Variants in LMF2 observed in about 807,000 individuals in gnomAD.
LMF2 encodes lipase maturation factor 2.
In LMF2, 113 loss-of-function variants were observed where a neutral mutation model predicts 81.5. The observed-to-expected ratio is 1.39, with a 90% CI of 1.19 to 1.62. LMF2 has a LOEUF of 1.62. LMF2 is among the 40% of genes most tolerant of loss of function. LMF2 has a pLI of 0.00. For missense variants in LMF2, 1,235 were observed against 929.1 expected (o/e 1.33, Z -4.28); for synonymous variants, 645 against 424.5 (o/e 1.52, Z -6.39).
chr22:50,504,044 G>GCTCCTCAC, intron 12 of LMF2, 140 bp from the exon 13 acceptor site: 4 of 760,128 alleles, frequency 5.3e-6, no homozygotes, highest in Non-Finnish European at 8.0e-6. Flanking sequence ...CTGCACCCCG[G>GCTCCTCAC]GCTCCACACC....
chr22:50,504,532 T>A, intron 11 of LMF2, 27 bp downstream of exon 11: 1 of 987,242 alleles, frequency 1.0e-6, no homozygotes, highest in Non-Finnish European at 1.3e-6. Flanking sequence ...CCCAGCCCAC[T>A]CCACACCCCC....
chr22:50,507,493 C>A (rs900207830), intron 1 of LMF2, 89 bp downstream of exon 1: 7 of 1,072,222 alleles, frequency 6.5e-6, no homozygotes, highest in Non-Finnish European at 8.4e-6. Flanking sequence ...TCACTCCCAA[C>A]CCCGGACTGC....
Position 50,504,465 on chromosome 22 carries a change from C to G in LMF2, c.1607-14G>C. The G allele has an allele frequency of 1.2e-6, 2 of 1,607,904 alleles. No individual in the cohort carries two copies. Among genetic ancestry groups the G allele is most frequent in the Non-Finnish European group, 1.7e-6 (2 of 1,178,218 alleles). The stretch of plus-strand genomic sequence containing the variant: ...CAAGGCGGATCACTGCAGCGAGAGG[C>G]ATCAGCGTGGCCCCCACAGTACCCG... On this transcript the variant is annotated splice_polypyrimidine_tract_variant and intron_variant, in intron 11 of 13. Coordinates refer to ENST00000474879, the MANE Select transcript of LMF2 (RefSeq NM_033200.3).
Position 50,505,446 on chromosome 22 carries a change from G to T in LMF2, c.1008C>A (p.Gly336=), listed in dbSNP as rs777321260. The stretch of plus-strand genomic sequence containing the variant: ...TGCGCTGCTGCCAGTCAACCTCCAG[G>T]CCAAAGTAGTGCACAGTGCCATAGG... ...LLAYGTVHYF[G]LEVDWQQRTI... Residue 336 remains glycine (G), a synonymous_variant, in exon 7 of 14, where the codon GGC becomes GGA. Transcript: ENST00000474879. 3 of 1,613,084 alleles carry T rather than the reference G, an allele frequency of 1.9e-6. No homozygotes were observed. The highest frequency in any genetic ancestry group is 8.5e-7 in the Non-Finnish European group (1 of 1,180,028).
In LMF2 at chr22:50,504,608, G is replaced by A. The variant is rs1183962663; in HGVS notation, c.1557C>T (p.Ser519=). 1.2e-6 allele frequency: 2 copies of A among 1,606,480 alleles called. No individual in the cohort carries two copies. Among genetic ancestry groups the A allele is most frequent in the Admixed American group, 3.3e-5 (2 of 59,754 alleles). The change falls in exon 11 of 14, where the codon AGC becomes AGT. Residue 519 remains serine, a synonymous_variant. Coordinates refer to ENST00000474879, the MANE Select transcript of LMF2 (RefSeq NM_033200.3). The stretch of plus-strand genomic sequence containing the variant: ...GCAAGACCAGGCTTGTGAACCACGG[G>A]CTGTGCGTGTGTGGGCCCAGGGCTG... ...WFAALGPHTH[S]PWFTSLVLRL...
chr22:50,507,132 C>G, intron 1 of LMF2, 97 bp from the exon 2 acceptor site: 1 of 1,474,410 alleles, frequency 6.8e-7, no homozygotes, highest in Non-Finnish European at 8.9e-7. Flanking sequence ...TAGGTCAGAG[C>G]ATGCGGATAC....
Position 50,506,768 on chromosome 22 carries a change from C to T in LMF2, c.348+14G>A, listed in dbSNP as rs2068591101. The T allele has an allele frequency of 6.2e-7, 1 of 1,612,526 alleles. No homozygotes were observed. On this transcript the variant is annotated intron_variant, in intron 2 of 13. Coordinates refer to ENST00000474879, the MANE Select transcript of LMF2 (RefSeq NM_033200.3). The stretch of plus-strand genomic sequence containing the variant: ...GGTTGGAGATAGAGTGAGCTGGTCA[C>T]AGGTCCCACTTGCCTGGCAGGCTGA...
Position 50,503,848 on chromosome 22 carries a change from TC to T in LMF2, c.1774del (p.Asp592ThrfsTer65). On this transcript the variant is annotated frameshift_variant, in exon 13 of 14. Transcript: ENST00000474879. LOFTEE classifies it low-confidence loss of function (END_TRUNC). Reference sequence around the variant, plus strand: ...CCTGAGCAGCGTCTCCAGCGTGGGGTCCCCCAGGGACACGGATGGGAAGAAC... The same window carrying T: ...CCTGAGCAGCGTCTCCAGCGTGGGGTCCCCAGGGACACGGATGGGAAGAAC... ...EEFFPSVSLG[D>X]PTLETLLRQF... is the part of the protein sequence containing the mutation. 2 of 1,605,456 alleles carry T rather than the reference TC, an allele frequency of 1.2e-6. No individual in the cohort carries two copies.
Position 50,505,062 on chromosome 22 carries a change from T to A in LMF2, c.1249A>T (p.Ser417Cys), listed in dbSNP as rs766524996. ...AGCCCTGCAGCGCTACCCACCAGGC[T>A]AATCAGGAACAAGGCCACGGTCGCA... Reference protein sequence around the residue: ...GTATVALFLISLVPYSYVEPG... With the variant: ...GTATVALFLICLVPYSYVEPG... Residue 417 changes from serine to cysteine, a missense_variant, in exon 9 of 14, where the codon AGC becomes TGC. Physicochemically the swap from Ser to Cys is moderately radical, Grantham distance 112. Transcript: ENST00000474879. 1 of 1,612,886 alleles carries A rather than the reference T, an allele frequency of 6.2e-7. No homozygotes were observed. The highest frequency in any genetic ancestry group is 8.5e-7 in the Non-Finnish European group (1 of 1,179,970).
rs760538109 is a variant in LMF2, at chr22:50,504,827, C to T, written c.1412G>A (p.Gly471Asp). Residue 471 changes from glycine (G) to aspartate (D), a missense_variant, in exon 10 of 14, where the codon GGC becomes GAC. Physicochemically the swap from Gly to Asp is moderately conservative, Grantham distance 94. Coordinates refer to ENST00000474879, the MANE Select transcript of LMF2 (RefSeq NM_033200.3). The part of the protein sequence containing the change: ...LGGRPEVVLE[G>D]SYDGHHWTEI... ...CGTCCAGTGGTGGCCGTCGTAACTGCCCTCCAGCACCACCTCAGGCCGTCC... is the reference window on the plus strand; with the variant it reads ...CGTCCAGTGGTGGCCGTCGTAACTGTCCTCCAGCACCACCTCAGGCCGTCC... The T allele has an allele frequency of 1.9e-6, 3 of 1,607,716 alleles. No homozygotes were observed. Among genetic ancestry groups the T allele is most frequent in the South Asian group, 1.1e-5 (1 of 90,946 alleles).
rs754238027 is a variant in LMF2, at chr22:50,506,947, C to G, written c.183G>C (p.Pro61=). 4 of 1,581,688 alleles carry G rather than the reference C, an allele frequency of 2.5e-6. No individual in the cohort carries two copies. The South Asian group carries it at 4.5e-5, about 18-fold the overall frequency. ...KGRWQQLWET[P]TLLWEAPRLG... ...GTCTCGGCGCTTCCCACAGCAGCGT[C>G]GGGGTCTCCCACAGCTGCTGCCAGC... The change falls in exon 2 of 14, where the codon CCG becomes CCC. Residue 61 remains proline (P), a synonymous_variant. Transcript: ENST00000474879.
chr22:50,507,465 C>T (rs2068624255), intron 1 of LMF2, 117 bp downstream of exon 1: 4 of 822,348 alleles, frequency 4.9e-6, no homozygotes, highest in South Asian at 1.4e-5. Context: ...CCCCCTACCC[C>T]ACGCCAAGGC....
chr22:50,504,572 C>T lies in LMF2; in HGVS notation c.1593G>A (p.Gln531=). 4 of 1,598,412 alleles carry T rather than the reference C, an allele frequency of 2.5e-6. No homozygotes were observed. Among genetic ancestry groups the T allele is most frequent in the Non-Finnish European group, 3.4e-6 (4 of 1,176,344 alleles). The change falls in exon 11 of 14, where the codon CAG becomes CAA. Residue 531 remains glutamine, a synonymous_variant. Transcript: ENST00000474879. ...CCCGCTCCGCACCTGGCTCCTTGCC[C>T]TGCAGCAGGCGCAAGACCAGGCTTG... ...WFTSLVLRLL[Q]GKEPVIRLVQ...
chr22:50,506,578 C>A, intron 3 of LMF2, 60 bp downstream of exon 3: 1 of 1,595,032 alleles, frequency 6.3e-7, no homozygotes, highest in South Asian at 1.1e-5. Flanking sequence ...CCAGGAAGGG[C>A]AGAGCCCTCC....
At chr22:50,506,702 C>T (rs1388890489) in intron 2 of LMF2, 36 bp from the exon 3 acceptor site, 1 of 1,613,588 alleles carries the variant, frequency 6.2e-7, no homozygotes, top group Admixed American at 1.7e-5. Flanking sequence ...GCGGGTGTGT[C>T]TGTGGACTCA....
rs748564075 is a variant in LMF2, at chr22:50,505,096, A to G, written c.1215T>C (p.Leu405=). ...RKLSAVVQLS[L]VGTATVALFL... Reference sequence around the variant, plus strand: ...ACAAGGCCACGGTCGCAGTGCCCACAAGGGACAGTTGGACTACAGCACTGA... The same window carrying G: ...ACAAGGCCACGGTCGCAGTGCCCACGAGGGACAGTTGGACTACAGCACTGA... The change falls in exon 9 of 14, where the codon CTT becomes CTC. Residue 405 remains leucine, a synonymous_variant. Transcript: ENST00000474879. The G allele has an allele frequency of 5.6e-6, 9 of 1,612,948 alleles. No homozygotes were observed. Among genetic ancestry groups the G allele is most frequent in the Non-Finnish European group, 7.6e-6 (9 of 1,179,994 alleles).
chr22:50,504,672 A>G lies in LMF2; in HGVS notation c.1493T>C (p.Val498Ala), dbSNP rs111276363. ...GNLSRPPPVV[V>A]PHQPRLDWQM... ...CCAGTCCAGGCGTGGCTGGTGGGGCACCACAACCGGGGGCGGCCGGCTCAG... is the reference window on the plus strand; with the variant it reads ...CCAGTCCAGGCGTGGCTGGTGGGGCGCCACAACCGGGGGCGGCCGGCTCAG... Residue 498 changes from valine (V) to alanine (A), a missense_variant, in exon 11 of 14, where the codon GTG (valine) becomes GCG (alanine). By Grantham distance (64) the Val-to-Ala change is moderately conservative (BLOSUM62 0). Transcript: ENST00000474879. 298 of 1,609,056 alleles carry G rather than the reference A, an allele frequency of 1.9e-4. No homozygotes were observed. The African/African-American group carries it at 3.2e-3, about 17-fold the overall frequency.
rs755398827 is a variant in LMF2 at position 50,505,660 on chromosome 22, C to A, written c.916+14G>T. 1.1e-5 allele frequency: 17 copies of A among 1,612,482 alleles called. No individual in the cohort carries two copies. The highest frequency in any genetic ancestry group is 8.0e-5 in the African/African-American group (6 of 74,926). ...ACCCCTGGGAGGGCAGGGGGCTGGACAAGTGACACGCACAGGTGGCCGTCT... is the reference window on the plus strand; with the variant it reads ...ACCCCTGGGAGGGCAGGGGGCTGGAAAAGTGACACGCACAGGTGGCCGTCT... On this transcript the variant is annotated intron_variant, in intron 6 of 13. Coordinates refer to ENST00000474879, the MANE Select transcript of LMF2 (RefSeq NM_033200.3).
At chr22:50,505,855 C>T (rs749945800) in intron 5 of LMF2, 40 bp from the exon 6 acceptor site, 1 of 1,608,856 alleles carries the variant, frequency 6.2e-7, no homozygotes, top group Non-Finnish European at 8.5e-7. Flanking sequence ...GAGACTGACG[C>T]CTGGCCCCGT....
Sources: gnomAD v4.1 joint callset for allele counts on GRCh38, gnomAD v4.1.1 for gene constraint, MANE v1.5 for transcripts, NCBI Gene and HGNC (gene_info 2026-07-23, HGNC 2026-07-21) for gene names.